NKD2: variants seen among roughly 807,000 people sequenced by gnomAD.
The protein encoded by NKD2 is protein naked cuticle homolog 2.
In NKD2, 43 loss-of-function variants were observed where a neutral mutation model predicts 34.8. The ratio of observed to expected loss-of-function variants is 1.24; its 90% CI spans 0.97 to 1.60. The LOEUF (loss-of-function observed/expected upper bound fraction) is 1.60. NKD2 is among the 40% of genes most tolerant of loss of function. The probability of loss-of-function intolerance (pLI) is 0.00; values close to 1 mark genes in which losing one functional copy is unlikely to be tolerated. For synonymous variants in NKD2, 278 were observed against 265.1 expected (o/e 1.05, Z -0.47); for missense variants, 675 against 627.1 (o/e 1.08, Z -0.82).
At position 1,009,500 on chromosome 5, in the gene NKD2, C is replaced by T; in HGVS notation, c.81C>T (p.Ser27=). 1.3e-6 allele frequency: 2 copies of T among 1,498,580 alleles called. No homozygotes were observed. Among genetic ancestry groups the T allele is most frequent in the East Asian group, 2.8e-5 (1 of 36,060 alleles). 92.8% of individuals were successfully genotyped at this position (1,498,580 alleles called of 1,614,324 possible). A position where few individuals can be genotyped will look rare whatever the true frequency, so the allele number is the denominator to read the frequency against. Residue 27 remains serine (S), a synonymous_variant, in exon 3 of 10, where the codon TCC becomes TCT. Coordinates refer to ENST00000296849, the MANE Select transcript of NKD2 (RefSeq NM_033120.4). This position sits in a 1 kb window ranked among gnomAD's most constrained non-coding sequence, Gnocchi z 6.9. ...CCGCAGGGGACAGCTTCGTGGCGTCCGCGTACGCGAGCGGCCGCAAAGGCG... is the reference window on the plus strand; with the variant it reads ...CCGCAGGGGACAGCTTCGTGGCGTCTGCGTACGCGAGCGGCCGCAAAGGCG... The part of the protein sequence containing the change: ...ESPEGDSFVA[S]AYASGRKGAE...
In NKD2 at chr5:1,033,597, G is replaced by A. The variant is rs908942490; in HGVS notation, c.330+98G>A. On this transcript the variant is annotated intron_variant, in intron 5 of 9. Transcript: ENST00000296849. ...CCCTAAACTGGGCATCTGTGGACAC[G>A]GCGTAGTTCACTCAGTCTTCCCCAC... 12 of 1,357,286 alleles carry A rather than the reference G, an allele frequency of 8.8e-6. No individual in the cohort carries two copies. In the African/African-American group the frequency reaches 1.3e-4, roughly 15 times the overall value. The allele number at this position is 1,357,286 out of a possible 1,614,324, so 84.1% of individuals were successfully genotyped here. A position where few individuals can be genotyped will look rare whatever the true frequency, so the allele number is the denominator to read the frequency against.
chr5:1,036,503 A>ACCCCCCCCCCCCCC (rs1491491725), intron 9 of NKD2, 119 bp downstream of exon 9: 5 of 205,044 alleles, frequency 2.4e-5, no homozygotes, highest in African/African-American at 1.0e-4. Flanking sequence ...CCCCCCCCCA[A>ACCCCCCCCCCCCCC]CCCCCCCCAC....
At chr5:1,037,519 G>C (rs1347000416) in intron 9 of NKD2, 1 of 1,535,466 alleles carries the variant, frequency 6.5e-7, no homozygotes, top group South Asian at 1.2e-5. Flanking sequence ...GCCCCAAGCA[G>C]GGTCTCAGCT....
At chr5:1,027,127 T>G (rs192328865) in intron 3 of NKD2, among the ~76,000 whole-genome samples, 3 of 152,320 alleles carry the variant, frequency 2.0e-5, no homozygotes, top group African/African-American at 7.2e-5. Flanking sequence ...AGCCACTGCT[T>G]GACCTGCCAA....
At chr5:1,011,304 C>T (rs777695423) in intron 3 of NKD2, among the ~76,000 whole-genome samples, 5 of 152,208 alleles carry the variant, frequency 3.3e-5, no homozygotes, top group East Asian at 1.9e-4. Context: ...GGCCCAGGTG[C>T]GCCCTCACCT....
intron 4 of NKD2, 97 bp from the exon 5 acceptor site, chr5:1,033,275 A>G (rs1208078793): frequency 1.1e-5 from 13 of 1,183,760 alleles, no homozygotes; most frequent in Middle Eastern, 2.4e-4. Flanking sequence ...GGACAGGATC[A>G]TGGTGTGGTG....
intron 3 of NKD2, among the ~76,000 whole-genome samples, chr5:1,026,702 A>C (rs1163072416): frequency 2.0e-5 from 3 of 152,188 alleles, no homozygotes; most frequent in Non-Finnish European, 2.9e-5. Flanking sequence ...CCATATCCCA[A>C]AGCTCCCCTC....
chr5:1,018,533 G>T (rs1489721521), intron 3 of NKD2, among the ~76,000 whole-genome samples: 1 of 152,174 alleles, frequency 6.6e-6, no homozygotes, highest in Non-Finnish European at 1.5e-5. Flanking sequence ...GGGCTCACGT[G>T]TGTTGGGGGG....
At chr5:1,030,982 G>T (rs1481017052) in intron 3 of NKD2, among the ~76,000 whole-genome samples, 2 of 152,104 alleles carry the variant, frequency 1.3e-5, no homozygotes, top group Admixed American at 6.5e-5. Context: ...GTGGGGGTCT[G>T]GTCCCTCTCT....
chr5:1,022,972 G>T (rs112405342), intron 3 of NKD2, among the ~76,000 whole-genome samples: 2 of 6,020 alleles, frequency 3.3e-4, no homozygotes, highest in African/African-American at 3.5e-4. Context: ...GTCTCAGCCC[G>T]TTGTCCCTGC....
At position 1,038,755 on chromosome 5, in the gene NKD2, C is replaced by T; in HGVS notation, c.*382C>T. 1 of 479,692 alleles carries T rather than the reference C, an allele frequency of 2.1e-6. No homozygotes were observed. The highest frequency in any genetic ancestry group is 3.8e-6 in the Non-Finnish European group (1 of 261,072). The allele number at this position is 479,692 out of a possible 1,614,324, so 29.7% of individuals were successfully genotyped here. A position where few individuals can be genotyped will look rare whatever the true frequency, so the allele number is the denominator to read the frequency against. On this transcript the variant is annotated 3_prime_UTR_variant, in exon 10 of 10. Transcript: ENST00000296849. This position sits in a 1 kb window ranked among gnomAD's most constrained non-coding sequence, Gnocchi z 4.5. ...TTCCTCCCGGGGCTTCAAGGGGTGA[C>T]TGCTGTAGGCTGTCCCAGTGCGAGG... is the stretch of plus-strand genomic sequence containing the variant.
At position 1,032,199 on chromosome 5, in the gene NKD2, G is replaced by C; in HGVS notation, c.189G>C (p.Gln63His). The C allele has an allele frequency of 6.2e-7, 1 of 1,609,886 alleles. No homozygotes were observed. Among genetic ancestry groups the C allele is most frequent in the Non-Finnish European group, 8.5e-7 (1 of 1,178,518 alleles). The change falls in exon 4 of 10, where the codon CAG (glutamine) becomes CAC (histidine). Residue 63 changes from glutamine to histidine, a missense_variant. Transcript: ENST00000296849. ...DPKEGPFRED[Q>H]CPLQVALPAE... ...AGGAGGGGCCTTTCCGGGAGGACCA[G>C]TGTCCCCTACAGGGTGAGTGCAGCT...
At chr5:1,022,261 G>A (rs1464707326) in intron 3 of NKD2, among the ~76,000 whole-genome samples, 6 of 130,758 alleles carry the variant, frequency 4.6e-5, no homozygotes, top group East Asian at 2.4e-4. Context: ...CGCTGTGGGC[G>A]TCTCAGCCCA....
At chr5:1,020,764 C>T (rs529696427) in intron 3 of NKD2, among the ~76,000 whole-genome samples, 1 of 146,468 alleles carries the variant, frequency 6.8e-6, no homozygotes, top group Non-Finnish European at 1.5e-5. Flanking sequence ...CTCATCTCTT[C>T]ACTTCCACTT....
At chr5:1,026,704 G>A (rs1756425501) in intron 3 of NKD2, among the ~76,000 whole-genome samples, 1 of 152,240 alleles carries the variant, frequency 6.6e-6, no homozygotes, top group Non-Finnish European at 1.5e-5. Context: ...ATATCCCAAA[G>A]CTCCCCTCCC....
rs903468954 is a variant in NKD2 at position 1,038,850 on chromosome 5, G to C, written c.*477G>C. ...CATGAAGTGAGAGGGGACAGGGCCGGTGGGGGGAAGCAGCTTGTGCTTAGC... is the reference window on the plus strand; with the variant it reads ...CATGAAGTGAGAGGGGACAGGGCCGCTGGGGGGAAGCAGCTTGTGCTTAGC... On this transcript the variant is annotated 3_prime_UTR_variant, in exon 10 of 10. Transcript: ENST00000296849. The surrounding 1 kb of genome is among the most constrained non-coding windows in gnomAD (Gnocchi z 4.5). The C allele has an allele frequency of 1.3e-5, 4 of 297,242 alleles. No homozygotes were observed. Among genetic ancestry groups the C allele is most frequent in the African/African-American group, 8.7e-5 (4 of 45,902 alleles). 18.4% of individuals were successfully genotyped at this position (297,242 alleles called of 1,614,324 possible).
intron 3 of NKD2, among the ~76,000 whole-genome samples, chr5:1,028,978 G>C (rs1238618833): frequency 6.6e-6 from 1 of 152,224 alleles, no homozygotes; most frequent in Non-Finnish European, 1.5e-5. Context: ...CTTCCCAGTG[G>C]GGAGGGGCTG....
In NKD2 at chr5:1,033,493, C is replaced by T. The variant is rs1756729179; in HGVS notation, c.324C>T (p.Asn108=). Residue 108 remains asparagine, a synonymous_variant, in exon 5 of 10, where the codon AAC becomes AAT. Transcript: ENST00000296849. Reference sequence around the variant, plus strand: ...GAGGACCGGGCGGGCAGCGCCTCAACATTGACGTGGGTCTCTCTCCGGCCT... The same window carrying T: ...GAGGACCGGGCGGGCAGCGCCTCAATATTGACGTGGGTCTCTCTCCGGCCT... ...GPRGPGGQRL[N]IDALQCDVSV... The T allele has an allele frequency of 1.3e-6, 2 of 1,548,878 alleles. No homozygotes were observed. The highest frequency in any genetic ancestry group is 1.4e-5 in the African/African-American group (1 of 73,026).
chr5:1,034,181 G>A (rs1279552640), intron 5 of NKD2, 54 bp from the exon 6 acceptor site: 4 of 1,271,034 alleles, frequency 3.1e-6, no homozygotes, highest in Non-Finnish European at 4.5e-6. Flanking sequence ...CTGTGGAGTT[G>A]GGCGTGTTGG....
Sources: allele counts gnomAD v4.1 joint callset (sites outside exome capture counted in the v4.1 genomes callset), GRCh38; gene constraint gnomAD v4.1.1; non-coding constraint Gnocchi (gnomAD v3.1); transcripts MANE v1.5; gene names NCBI Gene and HGNC (gene_info 2026-07-23, HGNC 2026-07-21).